Variants in GALNTL6 observed in about 807,000 individuals in gnomAD.
GALNTL6 encodes the protein polypeptide N-acetylgalactosaminyltransferase like 6, also known as polypeptide N-acetylgalactosaminyltransferase-like 6.
Under a neutral mutation model 73.7 loss-of-function variants are expected in GALNTL6, and 46 were observed. That is an observed-to-expected ratio of 0.62 (90% CI 0.49 to 0.80). The LOEUF is 0.80. GALNTL6 is among the 30% of genes least tolerant of loss of function. The pLI is 0.00. For synonymous variants in GALNTL6, 259 were observed against 263.7 expected, an observed-to-expected ratio of 0.98 and a Z score of 0.17; for missense variants, 604 against 755.0, an observed-to-expected ratio of 0.80 and a Z score of 2.34.
Position 172,882,821 on chromosome 4 carries a change from G to A in GALNTL6, c.955G>A (p.Val319Met). 6.2e-7 allele frequency: 1 copy of A among 1,612,804 alleles called. No individual in the cohort carries two copies. The highest frequency in any genetic ancestry group is 1.7e-5 in the Admixed American group (1 of 60,010). ...TGTTATGGCTGGAGGTCTCTTTGCT[G>A]TGGATCGGAAATGGTTTTGGGAATT... ...SPVMAGGLFAVDRKWFWELGG... is the reference protein window; with the variant it reads ...SPVMAGGLFAMDRKWFWELGG... Residue 319 changes from valine to methionine, a missense_variant, in exon 8 of 13, where the codon GTG becomes ATG. This residue lies in a region of GALNTL6 where 179 missense variants were observed against 230.8 expected (regional missense o/e 0.78). Coordinates refer to ENST00000506823, the MANE Select transcript of GALNTL6 (RefSeq NM_001034845.3).
intron 2 of GALNTL6, among the ~76,000 whole-genome samples, chr4:171,817,228 G>A (rs565947884): frequency 6.6e-6 from 1 of 152,056 alleles, no homozygotes; most frequent in South Asian, 2.1e-4. Context: ...TATTTTTACA[G>A]TACTTATGTG....
At chr4:172,712,112 G>T (rs1734742928) in intron 5 of GALNTL6, among the ~76,000 whole-genome samples, 1 of 152,178 alleles carries the variant, frequency 6.6e-6, no homozygotes, top group Non-Finnish European at 1.5e-5. Context: ...GGGTGTGTTT[G>T]TGTTTGGGTG....
intron 5 of GALNTL6, among the ~76,000 whole-genome samples, chr4:172,404,393 G>A (rs1215031832): frequency 6.6e-6 from 1 of 152,042 alleles, no homozygotes; most frequent in African/African-American, 2.4e-5. Flanking sequence ...CACACAAACT[G>A]AATGAAGAGC....
intron 5 of GALNTL6, chr4:172,379,881 C>T (rs1381154836): frequency 1.4e-5 from 7 of 490,660 alleles, no homozygotes; most frequent in Non-Finnish European, 1.9e-5. Context: ...CATAGATTTG[C>T]TAATGTGCAT....
chr4:172,715,979 G>A (rs1009207342), intron 5 of GALNTL6, among the ~76,000 whole-genome samples: 5 of 152,118 alleles, frequency 3.3e-5, no homozygotes, highest in Non-Finnish European at 5.9e-5. Context: ...ATAGACTGGC[G>A]TTCAGATGCT....
At chr4:172,918,814 A>T (rs1267086189) in intron 8 of GALNTL6, among the ~76,000 whole-genome samples, 1 of 152,236 alleles carries the variant, frequency 6.6e-6, no homozygotes, top group East Asian at 1.9e-4. Flanking sequence ...CCTGAGACTC[A>T]GAAAATGGTG....
At chr4:172,938,027 T>C (rs1336690757) in intron 9 of GALNTL6, among the ~76,000 whole-genome samples, 1 of 152,246 alleles carries the variant, frequency 6.6e-6, no homozygotes, top group African/African-American at 2.4e-5. Flanking sequence ...TTTATGCATT[T>C]ACCTAGGGTT....
At chr4:172,915,777 C>A (rs1747471568) in intron 8 of GALNTL6, among the ~76,000 whole-genome samples, 1 of 152,056 alleles carries the variant, frequency 6.6e-6, no homozygotes, top group Admixed American at 6.6e-5. Flanking sequence ...ACAAAAAAGT[C>A]CAGTACCAGA....
At chr4:171,920,432 G>A (rs1737753401) in intron 2 of GALNTL6, among the ~76,000 whole-genome samples, 1 of 151,926 alleles carries the variant, frequency 6.6e-6, no homozygotes. Flanking sequence ...GCAGGGAAAT[G>A]TGTTTAATAT....
At chr4:171,837,541 A>C (rs1463736769) in intron 2 of GALNTL6, among the ~76,000 whole-genome samples, 1 of 133,274 alleles carries the variant, frequency 7.5e-6, no homozygotes, top group African/African-American at 2.9e-5. Context: ...TAAATGGTTC[A>C]GAAAAAAAAA....
chr4:172,806,411 A>T (rs936683762), intron 5 of GALNTL6, among the ~76,000 whole-genome samples: 6 of 152,244 alleles, frequency 3.9e-5, no homozygotes, highest in African/African-American at 1.4e-4. Context: ...AATAAAAAAC[A>T]TGTAGAGACA....
chr4:172,298,600 C>T (rs1739778932), intron 3 of GALNTL6, among the ~76,000 whole-genome samples: 1 of 152,150 alleles, frequency 6.6e-6, no homozygotes, highest in Non-Finnish European at 1.5e-5. Context: ...TTGTCAAAGA[C>T]CTTTTCTGCA....
At chr4:172,832,197 ATCTG>A (rs1181998970) in intron 7 of GALNTL6, among the ~76,000 whole-genome samples, 5 of 152,136 alleles carry the variant, frequency 3.3e-5, no homozygotes, top group African/African-American at 7.2e-5. Context: ...TCACTTCTTG[ATCTG>A]TCTGACTCCA....
chr4:172,924,731 G>C (rs1747960650), intron 8 of GALNTL6, among the ~76,000 whole-genome samples: 2 of 152,170 alleles, frequency 1.3e-5, no homozygotes, highest in Admixed American at 6.5e-5. Flanking sequence ...GGTAGTGACT[G>C]AGAGACAAGT....
chr4:172,803,529 T>C (rs993954278), intron 5 of GALNTL6, among the ~76,000 whole-genome samples: 4 of 152,030 alleles, frequency 2.6e-5, no homozygotes, highest in Non-Finnish European at 5.9e-5. Context: ...TCTAAAGAAA[T>C]GATTAAATTC....
chr4:172,794,788 A>G (rs1740177908), intron 5 of GALNTL6, among the ~76,000 whole-genome samples: 1 of 152,148 alleles, frequency 6.6e-6, no homozygotes, highest in African/African-American at 2.4e-5. Context: ...GAATTTCAAA[A>G]TCATTTCCTT....
At chr4:172,798,790 T>C (rs1740433701) in intron 5 of GALNTL6, among the ~76,000 whole-genome samples, 1 of 152,140 alleles carries the variant, frequency 6.6e-6, no homozygotes, top group Non-Finnish European at 1.5e-5. Flanking sequence ...GGTGAAGTAG[T>C]TGGAGATTTG....
chr4:173,027,234 C>G (rs945272811), intron 12 of GALNTL6, among the ~76,000 whole-genome samples: 2 of 152,206 alleles, frequency 1.3e-5, no homozygotes, highest in Non-Finnish European at 2.9e-5. Flanking sequence ...CCGCCCACCT[C>G]TACCTCCCAA....
At chr4:172,291,036 C>T (rs1739453863) in intron 3 of GALNTL6, among the ~76,000 whole-genome samples, 1 of 151,778 alleles carries the variant, frequency 6.6e-6, no homozygotes, top group Non-Finnish European at 1.5e-5. Context: ...ATTTCCAATA[C>T]CCCCACAAAA....
Sources: gnomAD v4.1 joint callset for allele counts (sites outside exome capture counted in the v4.1 genomes callset) on GRCh38, gnomAD v4.1.1 for gene constraint, gnomAD v4.1.1 regional missense constraint, MANE v1.5 for transcripts, NCBI Gene and HGNC (gene_info 2026-07-23, HGNC 2026-07-21) for gene names.